Variants in ANKS1B observed in about 807,000 individuals in gnomAD.
ANKS1B encodes the protein ankyrin repeat and sterile alpha motif domain containing 1B, also known as ankyrin repeat and sterile alpha motif domain-containing protein 1B.
ANKS1B carries 36 observed loss-of-function variants against 148.3 expected under a neutral mutation model. The ratio of observed to expected loss-of-function variants is 0.24; its 90% confidence interval spans 0.19 to 0.32. The LOEUF is 0.32. Among genes scored for constraint, ANKS1B ranks in the 10% least tolerant of loss-of-function variants. The probability of loss-of-function intolerance (pLI) is 1.00; values close to 1 mark genes in which losing one functional copy is unlikely to be tolerated. For synonymous variants in ANKS1B, 542 were observed against 560.8 expected (o/e 0.97, Z 0.47); for missense variants, 1,157 against 1,542.6 (o/e 0.75, Z 4.19).
intron 15 of ANKS1B, among the ~76,000 whole-genome samples, chr12:99,149,855 C>A (rs1453959849): frequency 6.6e-6 from 1 of 152,060 alleles, no homozygotes; most frequent in Non-Finnish European, 1.5e-5. Context: ...CTAGTAAATA[C>A]ATATGTTGAG....
chr12:99,335,375 T>C (rs971838192), intron 12 of ANKS1B, among the ~76,000 whole-genome samples: 1 of 152,056 alleles, frequency 6.6e-6, no homozygotes, highest in South Asian at 2.1e-4. Context: ...TATATTGTTT[T>C]AGTTACTTTT....
chr12:99,386,184 T>A (rs1294244112), intron 12 of ANKS1B: 1 of 152,242 alleles, frequency 6.6e-6, no homozygotes, highest in African/African-American at 2.4e-5. Flanking sequence ...TGATTCTTTG[T>A]AGCATATGTG....
intron 1 of ANKS1B, among the ~76,000 whole-genome samples, chr12:99,830,639 CAA>C (rs71436967): frequency 0.66 from 83,548 of 126,592 alleles, 25,471 homozygotes; most frequent in African/African-American, 0.74. Flanking sequence ...CTGAAAGAAG[CAA>C]AAAAAAAAAA....
intron 12 of ANKS1B, among the ~76,000 whole-genome samples, chr12:99,377,048 G>A (rs752366370): frequency 1.5e-4 from 23 of 149,414 alleles, no homozygotes; most frequent in East Asian, 7.8e-4. Flanking sequence ...TCGCTCTGTC[G>A]CCAGGCTGAA....
intron 9 of ANKS1B, among the ~76,000 whole-genome samples, chr12:99,608,110 G>C (rs2097864513): frequency 6.6e-6 from 1 of 152,008 alleles, no homozygotes; most frequent in African/African-American, 2.4e-5. Flanking sequence ...TCCCATAGTT[G>C]GGTCATACAA....
chr12:99,622,484 A>G (rs1043642079), intron 9 of ANKS1B, among the ~76,000 whole-genome samples: 9 of 152,026 alleles, frequency 5.9e-5, no homozygotes, highest in African/African-American at 9.7e-5. Context: ...GGATAAAAAA[A>G]TCAATATACT....
chr12:98,860,244 G>C (rs1334830860), intron 17 of ANKS1B, among the ~76,000 whole-genome samples: 2 of 152,188 alleles, frequency 1.3e-5, no homozygotes, highest in Non-Finnish European at 2.9e-5. Context: ...TATGAACAAA[G>C]GAATTTGAAA....
chr12:98,962,359 G>A (rs1464011713), intron 17 of ANKS1B, among the ~76,000 whole-genome samples: 1 of 150,170 alleles, frequency 6.7e-6, no homozygotes, highest in Non-Finnish European at 1.5e-5. Context: ...TGATGATAAA[G>A]GGGTTACTTC....
At chr12:99,513,987 C>A (rs1236865053) in intron 9 of ANKS1B, among the ~76,000 whole-genome samples, 1 of 151,974 alleles carries the variant, frequency 6.6e-6, no homozygotes, top group African/African-American at 2.4e-5. Flanking sequence ...TTAACACGGT[C>A]TCTCATAATA....
intron 1 of ANKS1B, among the ~76,000 whole-genome samples, chr12:99,982,698 AAAGAG>A (rs1289267613): frequency 6.6e-6 from 1 of 152,234 alleles, no homozygotes; most frequent in Admixed American, 6.5e-5. Context: ...CCTGTGTTTG[AAAGAG>A]AAGATTATTT....
intron 15 of ANKS1B, among the ~76,000 whole-genome samples, chr12:99,137,250 C>T (rs184116655): frequency 1.3e-5 from 2 of 152,290 alleles, no homozygotes; most frequent in East Asian, 1.9e-4. Context: ...CGCTTTCTAA[C>T]AGGATCTTTG....
chr12:98,923,802 G>A (rs1261998517), intron 17 of ANKS1B, among the ~76,000 whole-genome samples: 1 of 152,172 alleles, frequency 6.6e-6, no homozygotes, highest in Non-Finnish European at 1.5e-5. Context: ...TTATCATTTA[G>A]TTCCCTCAGT....
intron 17 of ANKS1B, among the ~76,000 whole-genome samples, chr12:98,891,296 G>T (rs1365733668): frequency 6.6e-6 from 1 of 151,744 alleles, no homozygotes. Flanking sequence ...AGAAATATTG[G>T]CCAAACATAA....
At chr12:99,537,829 G>A (rs1246067315) in intron 9 of ANKS1B, among the ~76,000 whole-genome samples, 1 of 151,996 alleles carries the variant, frequency 6.6e-6, no homozygotes, top group Non-Finnish European at 1.5e-5. Context: ...AGAAATTTTT[G>A]CCCAGACCAA....
chr12:99,392,792 T>C (rs1047334139), intron 12 of ANKS1B, among the ~76,000 whole-genome samples: 9 of 152,142 alleles, frequency 5.9e-5, no homozygotes, highest in Non-Finnish European at 1.2e-4. Flanking sequence ...ACGGATACTC[T>C]TTACTTCTGA....
At chr12:99,504,363 T>C (rs776239522) in intron 10 of ANKS1B, 113 bp downstream of exon 10, 54 of 1,069,456 alleles carry the variant, frequency 5.0e-5, no homozygotes, top group Non-Finnish European at 6.9e-5. Context: ...TGGAACTACA[T>C]TGGGGGAACT....
chr12:99,156,722 C>T (rs899375830), intron 14 of ANKS1B, among the ~76,000 whole-genome samples: 6 of 152,182 alleles, frequency 3.9e-5, no homozygotes, highest in African/African-American at 1.4e-4. Context: ...TCTTTCTTCT[C>T]TGTCTTAAAT....
At chr12:98,924,263 A>G (rs1469023154) in intron 17 of ANKS1B, among the ~76,000 whole-genome samples, 1 of 152,176 alleles carries the variant, frequency 6.6e-6, no homozygotes, top group Non-Finnish European at 1.5e-5. Context: ...CTAAGTTACT[A>G]CTTTTTGCAC....
At chr12:99,055,885 TA>T (rs1048953059) in intron 16 of ANKS1B, among the ~76,000 whole-genome samples, 1 of 151,840 alleles carries the variant, frequency 6.6e-6, no homozygotes, top group African/African-American at 2.4e-5. Context: ...GATTGGAAAA[TA>T]AAAAAATAAA....
Sources: gnomAD v4.1 joint callset for allele counts (sites outside exome capture counted in the v4.1 genomes callset) on GRCh38, gnomAD v4.1.1 for gene constraint, MANE v1.5 for transcripts, NCBI Gene and HGNC (gene_info 2026-07-23, HGNC 2026-07-21) for gene names.